The following RHEB variants were observed in gnomAD, a reference collection of about 807,000 sequenced individuals.
The protein encoded by RHEB is GTP-binding protein Rheb.
Under a neutral mutation model 28.8 loss-of-function variants are expected in RHEB, and 2 were observed. The ratio of observed to expected loss-of-function variants is 0.07; its 90% CI spans 0.03 to 0.22. The LOEUF (loss-of-function observed/expected upper bound fraction) is 0.22. Among genes scored for constraint, RHEB ranks in the 10% least tolerant of loss-of-function variants. The pLI, the probability that RHEB is intolerant of heterozygous loss-of-function variation, is 1.00. For synonymous variants in RHEB, 69 were observed against 77.3 expected (o/e 0.89, Z 0.56); for missense variants, 76 against 219.9 (o/e 0.35, Z 4.14).
chr7:151,496,112 A>C (rs778597923), intron 1 of RHEB, among the ~76,000 whole-genome samples: 1 of 152,236 alleles, frequency 6.6e-6, no homozygotes, highest in Non-Finnish European at 1.5e-5. Context: ...AACCCATTCC[A>C]GGGCTGCTTT....
chr7:151,500,502 C>G (rs1163465394), intron 1 of RHEB, among the ~76,000 whole-genome samples: 1 of 152,078 alleles, frequency 6.6e-6, no homozygotes, highest in Non-Finnish European at 1.5e-5. Flanking sequence ...CAACAAAGAA[C>G]GGTCTTTTTC....
Position 151,514,865 on chromosome 7 carries a change from C to T in RHEB, c.52+4595G>A, listed in dbSNP as rs1803047742. 2.0e-5 allele frequency among the ~76,000 whole-genome samples: 3 copies of T among 151,902 alleles called. No homozygotes were observed. In the South Asian group the frequency reaches 6.2e-4, roughly 32 times the overall value. ...CAGCTTGGGCAACAAAGCAAGGTTC[C>T]CACCTCTACAAAAAAATAAAAAAAC... is the stretch of plus-strand genomic sequence containing the variant. On this transcript the variant is annotated intron_variant, in intron 1 of 7. Coordinates refer to ENST00000262187, the MANE Select transcript of RHEB (RefSeq NM_005614.4).
At chr7:151,505,101 A>G (rs1425312477) in intron 1 of RHEB, among the ~76,000 whole-genome samples, 2 of 149,340 alleles carry the variant, frequency 1.3e-5, no homozygotes, top group Non-Finnish European at 2.9e-5. Context: ...AAAAGTGAAA[A>G]CAAAAAAAAA....
chr7:151,484,837 A>T (rs1175942200), intron 2 of RHEB, 33 bp from the exon 3 acceptor site: 3 of 1,498,624 alleles, frequency 2.0e-6, no homozygotes, highest in Non-Finnish European at 2.8e-6. Flanking sequence ...ACATTAGTTT[A>T]AAAAAATTAA....
chr7:151,502,236 A>G (rs1802785755), intron 1 of RHEB: 1 of 513,174 alleles, frequency 1.9e-6, no homozygotes, highest in Admixed American at 3.6e-5. Context: ...CTCAAAAAAA[A>G]AAAAAAAAAA....
At chr7:151,517,690 C>CAAAAA (rs554116118) in intron 1 of RHEB, among the ~76,000 whole-genome samples, 1 of 76,792 alleles carries the variant, frequency 1.3e-5, no homozygotes. Flanking sequence ...CTTCTGTAGC[C>CAAAAA]AAAAAAAAAA....
rs1802105690 is a variant in RHEB, at chr7:151,468,577, A to ATATT, written c.463-1367_463-1366insAATA. ...TCCACGCCTTGTCCCTTCTCCTCAAATGTTCCCCGTGCTTACGCTCAGCTG... is the reference window on the plus strand; with the variant it reads ...TCCACGCCTTGTCCCTTCTCCTCAAATATTTGTTCCCCGTGCTTACGCTCAGCTG... On this transcript the variant is annotated intron_variant, in intron 7 of 7. Transcript: ENST00000262187. The surrounding 1 kb of genome is among the most constrained non-coding windows in gnomAD (Gnocchi z 4.3). 6.6e-6 allele frequency among the ~76,000 whole-genome samples: 1 copy of ATATT among 152,162 alleles called. No homozygotes were observed. Among genetic ancestry groups the ATATT allele is most frequent in the African/African-American group, 2.4e-5 (1 of 41,436 alleles).
At chr7:151,506,061 T>C (rs556480995) in intron 1 of RHEB, among the ~76,000 whole-genome samples, 5 of 152,170 alleles carry the variant, frequency 3.3e-5, no homozygotes, top group South Asian at 2.1e-4. Flanking sequence ...AGAGGTTACA[T>C]AGGTGCATAA....
At chr7:151,474,914 A>T (rs1339941991) in intron 4 of RHEB, among the ~76,000 whole-genome samples, 1 of 152,246 alleles carries the variant, frequency 6.6e-6, no homozygotes, top group Non-Finnish European at 1.5e-5. Context: ...TATTCAGCAT[A>T]TAGGTTTCTA....
intron 2 of RHEB, among the ~76,000 whole-genome samples, chr7:151,486,591 G>A (rs975471454): frequency 5.9e-5 from 9 of 152,236 alleles, no homozygotes; most frequent in Admixed American, 5.9e-4. Flanking sequence ...GGATGGACAG[G>A]AGGCAGAAGG....
chr7:151,471,916 C>T (rs1230130402), intron 4 of RHEB: 1 of 317,244 alleles, frequency 3.2e-6, no homozygotes, highest in African/African-American at 2.2e-5. Flanking sequence ...AAAGAACCAA[C>T]TGTTTACATT....
chr7:151,507,482 T>C (rs1008485605), intron 1 of RHEB, among the ~76,000 whole-genome samples: 2 of 152,218 alleles, frequency 1.3e-5, no homozygotes, highest in Non-Finnish European at 2.9e-5. Context: ...ATGTCCGTCA[T>C]ATAGAGTCAG....
Position 151,468,013 on chromosome 7 carries a change from G to T in RHEB, c.463-802C>A, listed in dbSNP as rs754427016. On this transcript the variant is annotated intron_variant, in intron 7 of 7. Transcript: ENST00000262187. This position sits in a 1 kb window ranked among gnomAD's most constrained non-coding sequence, Gnocchi z 4.3. ...CAGGACAACAGGCCTGAGCCACCGT[G>T]ACTCCCAGACCCTGTCCTTGAAATG... Among the ~76,000 whole-genome samples, 1 of 151,998 alleles carries T rather than the reference G, an allele frequency of 6.6e-6. No homozygotes were observed. Among genetic ancestry groups the T allele is most frequent in the South Asian group, 2.1e-4 (1 of 4,808 alleles).
At chr7:151,500,158 T>G (rs558425770) in intron 1 of RHEB, among the ~76,000 whole-genome samples, 1 of 151,500 alleles carries the variant, frequency 6.6e-6, no homozygotes, top group Non-Finnish European at 1.5e-5. Context: ...CCACTAAGGG[T>G]TTTCCAGTCA....
At chr7:151,486,856 A>G (rs1047372963) in intron 2 of RHEB, among the ~76,000 whole-genome samples, 1 of 152,224 alleles carries the variant, frequency 6.6e-6, no homozygotes, top group African/African-American at 2.4e-5. Flanking sequence ...GGGATGTAAG[A>G]AAATGAAGAG....
rs1333687251 is a variant in RHEB at position 151,472,686 on chromosome 7, C to T, written c.276-1081G>A. The stretch of plus-strand genomic sequence containing the variant: ...ATGTGTGTCGTTTTACTGTTTGTCT[C>T]CCACACCAGAAATAATAGGTCCGCA... On this transcript the variant is annotated intron_variant, in intron 4 of 7. Coordinates refer to ENST00000262187, the MANE Select transcript of RHEB (RefSeq NM_005614.4). The surrounding 1 kb of genome is among the most constrained non-coding windows in gnomAD (Gnocchi z 5.2). Among the ~76,000 whole-genome samples the T allele has an allele frequency of 6.6e-6, 1 of 152,186 alleles. No individual in the cohort carries two copies. The highest frequency in any genetic ancestry group is 2.4e-5 in the African/African-American group (1 of 41,446).
Position 151,498,088 on chromosome 7 carries a change from C to T in RHEB, c.53-7074G>A, listed in dbSNP as rs1418023547. ...GCCACTTACAGCTCCATTTTACTCA[C>T]CTAAATTAAATGTGCCCATGGGGAT... On this transcript the variant is annotated intron_variant, in intron 1 of 7. Transcript: ENST00000262187. 9 of 1,286,724 alleles carry T rather than the reference C, an allele frequency of 7.0e-6. No individual in the cohort carries two copies. In the South Asian group the frequency reaches 7.4e-5, roughly 11 times the overall value. 79.7% of individuals were successfully genotyped at this position (1,286,724 alleles called of 1,614,324 possible). A position where few individuals can be genotyped will look rare whatever the true frequency, so the allele number is the denominator to read the frequency against.
intron 3 of RHEB, among the ~76,000 whole-genome samples, chr7:151,484,121 A>G (rs1479105057): frequency 6.6e-6 from 1 of 152,322 alleles, no homozygotes; most frequent in East Asian, 1.9e-4. Context: ...CCTGGACTCC[A>G]GTCAAACTGG....
At chr7:151,478,003 CA>C (rs148514801) in intron 3 of RHEB, among the ~76,000 whole-genome samples, 208 of 152,150 alleles carry the variant, frequency 1.4e-3, no homozygotes, top group African/African-American at 4.9e-3. Flanking sequence ...TTGAGGTATT[CA>C]GACTTTTGGG....
Sources: allele counts gnomAD v4.1 joint callset (sites outside exome capture counted in the v4.1 genomes callset), GRCh38; gene constraint gnomAD v4.1.1; non-coding constraint Gnocchi (gnomAD v3.1); transcripts MANE v1.5; gene names NCBI Gene and HGNC (gene_info 2026-07-23, HGNC 2026-07-21).